Variants in NFIB observed in about 807,000 individuals in gnomAD.
NFIB encodes the protein nuclear factor I B, also known as nuclear factor 1 B-type.
NFIB carries 11 observed loss-of-function variants against 61.5 expected under a neutral mutation model. The observed-to-expected ratio is 0.18, with a 90% CI of 0.11 to 0.30. The LOEUF (loss-of-function observed/expected upper bound fraction) is 0.30. NFIB is among the 10% of genes least tolerant of loss of function. The pLI is 1.00. For missense variants in NFIB, 471 were observed against 608.9 expected, an observed-to-expected ratio of 0.77 and a Z score of 2.38; for synonymous variants, 260 against 216.5, an observed-to-expected ratio of 1.20 and a Z score of -1.76.
intron 10 of NFIB, among the ~76,000 whole-genome samples, chr9:14,108,772 A>ACTT (rs2036926058): frequency 6.6e-6 from 1 of 151,796 alleles, no homozygotes; most frequent in Admixed American, 6.6e-5. Flanking sequence ...TATAAACTAG[A>ACTT]CTTTACTTGA....
At chr9:14,529,313 C>T in the NFIB span, among the ~76,000 whole-genome samples, 6 of 152,156 alleles carry the variant, frequency 3.9e-5, no homozygotes, top group Admixed American at 1.3e-4. Context: ...GAAGCAATTG[C>T]CTGGGTACTT....
chr9:14,220,449 G>C (rs960501465), intron 2 of NFIB, among the ~76,000 whole-genome samples: 7 of 152,118 alleles, frequency 4.6e-5, no homozygotes, highest in Admixed American at 4.6e-4. Context: ...ATATTATTGA[G>C]AGGCATCTTT....
intron 3 of NFIB, among the ~76,000 whole-genome samples, chr9:14,165,751 T>C (rs1218940364): frequency 6.6e-6 from 1 of 152,214 alleles, no homozygotes; most frequent in South Asian, 2.1e-4. Flanking sequence ...AAAAAGCCAG[T>C]CACAAAAAGA....
the NFIB span, among the ~76,000 whole-genome samples, chr9:14,434,628 G>A: frequency 7.9e-5 from 12 of 152,278 alleles, no homozygotes; most frequent in East Asian, 2.3e-3. Flanking sequence ...AGGCCTTAAA[G>A]CCAGAATCAT....
intron 10 of NFIB, among the ~76,000 whole-genome samples, chr9:14,108,236 T>C (rs541958540): frequency 1.3e-5 from 2 of 152,268 alleles, no homozygotes; most frequent in South Asian, 2.1e-4. Flanking sequence ...AGCCCAAGTG[T>C]TGATAGCCTG....
intron 2 of NFIB, chr9:14,204,282 T>C (rs1216460744): frequency 1.5e-6 from 1 of 665,758 alleles, no homozygotes; most frequent in Non-Finnish European, 2.7e-6. Flanking sequence ...GGGAAGAAGG[T>C]GGCTCCGGCC....
chr9:14,459,867 A>G, the NFIB span, among the ~76,000 whole-genome samples: 6,385 of 151,088 alleles, frequency 0.042, 159 homozygotes, highest in Non-Finnish European at 0.054. Context: ...GTCAGGAAAC[A>G]ACAGGTGCTG....
the NFIB span, among the ~76,000 whole-genome samples, chr9:14,436,149 A>G: frequency 2.6e-5 from 4 of 152,238 alleles, no homozygotes; most frequent in Non-Finnish European, 5.9e-5. Context: ...AAATGGAAAG[A>G]GCTCTGCAGA....
chr9:14,498,600 A>T, the NFIB span, among the ~76,000 whole-genome samples: 2 of 152,220 alleles, frequency 1.3e-5, no homozygotes, highest in South Asian at 4.1e-4. Flanking sequence ...ATTGGTGTAC[A>T]GAGGAGCCGC....
chr9:14,439,374 A>C, the NFIB span, among the ~76,000 whole-genome samples: 1 of 152,180 alleles, frequency 6.6e-6, no homozygotes, highest in African/African-American at 2.4e-5. Flanking sequence ...AGGCTACTTG[A>C]AGGTCTGGGG....
chr9:14,218,918 AT>A (rs1411819609), intron 2 of NFIB, among the ~76,000 whole-genome samples: 11 of 152,182 alleles, frequency 7.2e-5, no homozygotes, highest in Non-Finnish European at 1.5e-4. Flanking sequence ...GAAGTACCAC[AT>A]GGAGAAACAC....
chr9:14,326,822 T>C (rs1392546527), intron 1 of NFIB, among the ~76,000 whole-genome samples: 2 of 152,194 alleles, frequency 1.3e-5, no homozygotes, highest in African/African-American at 4.8e-5. Context: ...GCAATTGTTA[T>C]GAATTCTCAG....
intron 2 of NFIB, among the ~76,000 whole-genome samples, chr9:14,202,595 T>C (rs958702200): frequency 2.6e-5 from 4 of 152,096 alleles, no homozygotes; most frequent in Admixed American, 1.3e-4. Flanking sequence ...AAAAGCTAAT[T>C]TAAAAAAATC....
intron 1 of NFIB, among the ~76,000 whole-genome samples, chr9:14,323,201 C>CA (rs1322574265): frequency 4.0e-5 from 6 of 151,796 alleles, no homozygotes; most frequent in African/African-American, 1.2e-4. Flanking sequence ...ACGCGAATAT[C>CA]AAAAAAATAG....
chr9:14,455,679 T>C, the NFIB span, among the ~76,000 whole-genome samples: 3 of 151,904 alleles, frequency 2.0e-5, no homozygotes, highest in Non-Finnish European at 2.9e-5. Context: ...CTTCAGAAAA[T>C]GTACCATCAA....
Position 14,328,193 on chromosome 9 carries a change from G to A in NFIB, c.109-20673C>T, listed in dbSNP as rs538197747. Among the ~76,000 whole-genome samples the A allele has an allele frequency of 9.9e-5, 15 of 152,242 alleles. No homozygotes were observed. In the East Asian group the frequency reaches 2.1e-3, roughly 22 times the overall value. The stretch of plus-strand genomic sequence containing the variant: ...AAGGTCTTACTCTGTCACCAAACCT[G>A]GAGTGCAGTGGTGCTATCAGGGCTC... On this transcript the variant is annotated intron_variant, in intron 1 of 8. Transcript: ENST00000380934.
At chr9:14,498,764 GCCCTCCCTCCCTCCCTCCCTCCCT>G in the NFIB span, among the ~76,000 whole-genome samples, 4 of 78,284 alleles carry the variant, frequency 5.1e-5, 1 homozygote, top group Admixed American at 1.5e-4. Context: ...AACACTCATG[GCCCTCCCTCCCTCCCTCCCTCCCT>G]CCCTCCCTCC....
At chr9:14,432,842 C>G in the NFIB span, among the ~76,000 whole-genome samples, 2 of 152,174 alleles carry the variant, frequency 1.3e-5, no homozygotes, top group Non-Finnish European at 2.9e-5. Context: ...GGTCCATAAT[C>G]AGAGACTGAT....
chr9:14,530,034 C>T, the NFIB span, among the ~76,000 whole-genome samples: 1 of 152,150 alleles, frequency 6.6e-6, no homozygotes, highest in Admixed American at 6.5e-5. Context: ...TTACTATACC[C>T]ATCTTAATCC....
Sources: allele counts gnomAD v4.1 joint callset (sites outside exome capture counted in the v4.1 genomes callset), GRCh38; gene constraint gnomAD v4.1.1; transcripts MANE v1.5; gene names NCBI Gene and HGNC (gene_info 2026-07-23, HGNC 2026-07-21).